Variants in MZF1 observed in about 807,000 individuals in gnomAD.
MZF1 encodes the protein zinc finger and SCAN domain-containing protein 6.
In MZF1, 24 loss-of-function variants were observed where a neutral mutation model predicts 28.6. That is an observed-to-expected ratio of 0.84 (90% CI 0.61 to 1.18). MZF1 has a LOEUF of 1.18. MZF1 is among the 50% of genes most tolerant of loss of function. The pLI, the probability that MZF1 is intolerant of heterozygous loss-of-function variation, is 0.00. For synonymous variants in MZF1, 516 were observed against 432.5 expected, an observed-to-expected ratio of 1.19 and a Z score of -2.40; for missense variants, 1,166 against 1,026.4, an observed-to-expected ratio of 1.14 and a Z score of -1.86.
intron 1 of MZF1, among the ~76,000 whole-genome samples, chr19:58,572,387 G>A (rs2054181340): frequency 6.6e-6 from 1 of 151,698 alleles, no homozygotes; most frequent in Non-Finnish European, 1.5e-5. Flanking sequence ...TTTAGCTGGG[G>A]TTGGAAGGGG....
At chr19:58,565,965 C>A (rs2054047484) in intron 5 of MZF1, among the ~76,000 whole-genome samples, 1 of 150,104 alleles carries the variant, frequency 6.7e-6, no homozygotes. Flanking sequence ...ACGGCGAAAC[C>A]CCGTCTCTAC....
At position 58,562,956 on chromosome 19, in the gene MZF1, G is replaced by C; in HGVS notation, c.1321C>G (p.Arg441Gly). The change falls in exon 6 of 6, where the codon CGT becomes GGT. Residue 441 changes from arginine to glycine, a missense_variant. Arg to Gly is a moderately radical substitution (Grantham distance 125, BLOSUM62 -2). Coordinates refer to ENST00000215057, the MANE Select transcript of MZF1 (RefSeq NM_198055.2). ...RRVHTGEQPF[R>G]CAECGQSFRQ... ...AAGCTCTGGCCGCACTCAGCGCAAC[G>C]GAAAGGCTGTTCGCCCGTGTGCACT... 4 of 1,600,004 alleles carry C rather than the reference G, an allele frequency of 2.5e-6. No individual in the cohort carries two copies. The highest frequency in any genetic ancestry group is 2.5e-6 in the Non-Finnish European group (3 of 1,178,446).
At chr19:58,567,002 G>A (rs528674398) in intron 5 of MZF1, among the ~76,000 whole-genome samples, 95 of 151,380 alleles carry the variant, frequency 6.3e-4, no homozygotes, top group African/African-American at 2.2e-3. Flanking sequence ...TCCCTGGCTT[G>A]GGTGATTCTC....
Position 58,562,210 on chromosome 19 carries a change from G to A in MZF1, c.2067C>T (p.Ala689=), listed in dbSNP as rs774944015. Reference sequence around the variant, plus strand: ...GCGTGAGCGTGGGCCGCTGGCGGAAGGCCTTGCCACACTCAGGGCATGCGT... The same window carrying A: ...GCGTGAGCGTGGGCCGCTGGCGGAAAGCCTTGCCACACTCAGGGCATGCGT... The part of the protein sequence containing the change: ...RPYACPECGK[A]FRQRPTLTQH... The change falls in exon 6 of 6, where the codon GCC becomes GCT. Residue 689 remains alanine, a synonymous_variant. Coordinates refer to ENST00000215057, the MANE Select transcript of MZF1 (RefSeq NM_198055.2). 9.3e-6 allele frequency: 15 copies of A among 1,608,498 alleles called. No individual in the cohort carries two copies. The South Asian group carries it at 1.7e-4, about 18-fold the overall frequency.
intron 5 of MZF1, among the ~76,000 whole-genome samples, chr19:58,564,975 C>A (rs902027401): frequency 8.4e-5 from 10 of 119,250 alleles, no homozygotes; most frequent in African/African-American, 3.2e-4. Context: ...GGCTGGAGTG[C>A]AGTGGTGTGA....
chr19:58,563,297 C>A lies in MZF1; in HGVS notation c.980G>T (p.Gly327Val), dbSNP rs1414902332. The A allele has an allele frequency of 1.2e-6, 2 of 1,607,910 alleles. No individual in the cohort carries two copies. The highest frequency in any genetic ancestry group is 1.7e-6 in the Non-Finnish European group (2 of 1,177,796). ...PTDEDPCRGV[G>V]PALITTRWRS... ...CCAGCGGGTGGTGATCAGAGCAGGG[C>A]CCACACCCCGGCAGGGATCCTCGTC... The change falls in exon 6 of 6, where the codon GGC (glycine) becomes GTC (valine). Residue 327 changes from glycine to valine, a missense_variant. Transcript: ENST00000215057.
In MZF1 at chr19:58,571,175, C is replaced by T. The variant is rs372625966; in HGVS notation, c.215G>A (p.Trp72Ter). Residue 72 changes from tryptophan to a stop codon, truncating the protein, a stop_gained, in exon 2 of 6, where the codon TGG becomes TAG. Transcript: ENST00000215057. LOFTEE classifies it high-confidence loss of function. ...LAQLRELCRQ[W>*]LRPEVRSKEQ... is the part of the protein sequence containing the mutation. ...CTTGGAGCGTACCTCTGGACGCAGC[C>T]ACTGGCGACACAGCTCTCGGAGCTG... The T allele has an allele frequency of 9.9e-6, 16 of 1,613,688 alleles. No individual in the cohort carries two copies. The highest frequency in any genetic ancestry group is 1.4e-5 in the Non-Finnish European group (16 of 1,179,860).
chr19:58,569,638 C>T (rs2054120895), intron 3 of MZF1, 52 bp from the exon 4 acceptor site: 1 of 1,443,740 alleles, frequency 6.9e-7, no homozygotes. Context: ...CACCCCACTG[C>T]CCTTCTTAGT....
chr19:58,571,135 C>T lies in MZF1; in HGVS notation c.255G>A (p.Glu85=), dbSNP rs2054153886. ...PEVRSKEQML[E]LLVLEQFLGA... is the part of the protein sequence containing the mutation. ...CCAGGAACTGCTCCAGCACCAACAGCTCCAGCATCTGCTCCTTGGAGCGTA... is the reference window on the plus strand; with the variant it reads ...CCAGGAACTGCTCCAGCACCAACAGTTCCAGCATCTGCTCCTTGGAGCGTA... Residue 85 remains glutamate (E), a synonymous_variant, in exon 2 of 6, where the codon GAG becomes GAA. Coordinates refer to ENST00000215057, the MANE Select transcript of MZF1 (RefSeq NM_198055.2). 6.2e-7 allele frequency: 1 copy of T among 1,613,994 alleles called. No homozygotes were observed. Among genetic ancestry groups the T allele is most frequent in the Non-Finnish European group, 8.5e-7 (1 of 1,180,036 alleles).
Position 58,563,203 on chromosome 19 carries a change from G to T in MZF1, c.1074C>A (p.Cys358Ter), listed in dbSNP as rs748715024. The change falls in exon 6 of 6, where the codon TGC becomes TGA. Residue 358 changes from cysteine (C) to a stop codon, truncating the protein, a stop_gained. Transcript: ENST00000215057. LOFTEE classifies it low-confidence loss of function (END_TRUNC). ...GGCTGAACACCTTGCCACATACATC[G>T]CAACGGCCGCCCCTAACCACCCCGC... The part of the protein sequence containing the change: ...TGGGVVRGGR[C>*]DVCGKVFSQR... 6.2e-7 allele frequency: 1 copy of T among 1,611,008 alleles called. No homozygotes were observed. Among genetic ancestry groups the T allele is most frequent in the Non-Finnish European group, 8.5e-7 (1 of 1,179,410 alleles).
At chr19:58,566,523 G>A (rs1268316593) in intron 5 of MZF1, among the ~76,000 whole-genome samples, 1 of 152,148 alleles carries the variant, frequency 6.6e-6, no homozygotes, top group Non-Finnish European at 1.5e-5. Context: ...TTTTTACAAA[G>A]ACACATAAGA....
At position 58,562,073 on chromosome 19, in the gene MZF1, T is replaced by A; in HGVS notation, c.2204A>T (p.Ter735LeuextTer42). 1.3e-6 allele frequency: 2 copies of A among 1,556,388 alleles called. No individual in the cohort carries two copies. Among genetic ancestry groups the A allele is most frequent in the Non-Finnish European group, 1.7e-6 (2 of 1,151,956 alleles). The change falls in exon 6 of 6, where the codon TAG becomes TTG. Residue 735 changes from the stop codon to leucine, a stop_lost. Transcript: ENST00000215057. The part of the protein sequence containing the change: ...IQHQRVHSAE[*>L] ...GGACACAGTGCGTCCCGGCTGGAGC[T>A]ACTCGGCGCTGTGGACGCGCTGGTG...
chr19:58,572,168 T>G (rs2054177022), intron 1 of MZF1, among the ~76,000 whole-genome samples: 1 of 152,100 alleles, frequency 6.6e-6, no homozygotes. Flanking sequence ...CTTCACCTTC[T>G]ATTCTCTCAT....
At position 58,571,119 on chromosome 19, in the gene MZF1, G is replaced by T. The variant is rs2054153717; in HGVS notation, c.271C>A (p.Gln91Lys). ...TCAGGGGGCAGTGCGCCCAGGAACTGCTCCAGCACCAACAGCTCCAGCATC... is the reference window on the plus strand; with the variant it reads ...TCAGGGGGCAGTGCGCCCAGGAACTTCTCCAGCACCAACAGCTCCAGCATC... ...EQMLELLVLE[Q>K]FLGALPPEIQ... is the part of the protein sequence containing the mutation. Residue 91 changes from glutamine (Q) to lysine (K), a missense_variant, in exon 2 of 6, where the codon CAG becomes AAG. Coordinates refer to ENST00000215057, the MANE Select transcript of MZF1 (RefSeq NM_198055.2). The T allele has an allele frequency of 1.2e-6, 2 of 1,614,058 alleles. No homozygotes were observed. The highest frequency in any genetic ancestry group is 1.7e-6 in the Non-Finnish European group (2 of 1,180,016).
At position 58,571,247 on chromosome 19, in the gene MZF1, CG is replaced by C. The variant is rs2054157739; in HGVS notation, c.142del (p.Arg48GlyfsTer71). The C allele has an allele frequency of 8.7e-6, 14 of 1,612,564 alleles. No homozygotes were observed. The highest frequency in any genetic ancestry group is 3.3e-5 in the South Asian group (3 of 90,908). On this transcript the variant is annotated frameshift_variant, in exon 2 of 6. Transcript: ENST00000215057. LOFTEE classifies it high-confidence loss of function. Reference protein sequence around the residue: ...PGPEAARLRFRCFRYEEATGP... With the variant: ...PGPEAARLRFXCFRYEEATGP... The stretch of plus-strand genomic sequence containing the variant: ...TGTGGCCTCCTCATAGCGGAAGCAC[CG>C]GAAACGCAGGCGTGCAGCTTCAGGG...
In MZF1 at chr19:58,563,094, G is replaced by GGGTGAA. The variant is rs757458769; in HGVS notation, c.1182_1183insTTCACC (p.Ser394_Arg395insPheThr). On this transcript the variant is annotated inframe_insertion, in exon 6 of 6. Coordinates refer to ENST00000215057, the MANE Select transcript of MZF1 (RefSeq NM_198055.2). Reference sequence around the variant, plus strand: ...TGGTGGCGCAGCAGGTGCGAGCTGCGGCTGAAGCTGCGGCCGCACTCGCTG... The same window carrying GGGTGAA: ...TGGTGGCGCAGCAGGTGCGAGCTGCGGGTGAAGCTGAAGCTGCGGCCGCACTCGCTG... 10 of 1,604,818 alleles carry GGGTGAA rather than the reference G, an allele frequency of 6.2e-6. No individual in the cohort carries two copies. The Admixed American group carries it at 1.7e-4, about 27-fold the overall frequency.
At chr19:58,563,969 G>C (rs2053989509) in intron 5 of MZF1, 1 of 156,720 alleles carries the variant, frequency 6.4e-6, no homozygotes, top group Non-Finnish European at 1.4e-5. Flanking sequence ...ACTTCATGAA[G>C]GCTGTGGGGA....
Position 58,571,366 on chromosome 19 carries a change from G to A in MZF1, c.24C>T (p.Ser8=). 2 of 1,614,120 alleles carry A rather than the reference G, an allele frequency of 1.2e-6. No individual in the cohort carries two copies. The highest frequency in any genetic ancestry group is 1.7e-6 in the Non-Finnish European group (2 of 1,180,020). Reference sequence around the variant, plus strand: ...CATCTTCTGGGGGTGCTCGGTCTGGGGAGCCCAGCACCGCAGGCCTCATAG... The same window carrying A: ...CATCTTCTGGGGGTGCTCGGTCTGGAGAGCCCAGCACCGCAGGCCTCATAG... The part of the protein sequence containing the change: MRPAVLG[S]PDRAPPEDEG... The change falls in exon 2 of 6, where the codon TCC becomes TCT. Residue 8 remains serine (S), a synonymous_variant. Transcript: ENST00000215057.
Position 58,571,202 on chromosome 19 carries a change from G to T in MZF1, c.188C>A (p.Ala63Asp). ...EEATGPQEAL[A>D]QLRELCRQWL... ...CTGGCGACACAGCTCTCGGAGCTGG[G>T]CCAGGGCCTCTTGGGGCCCTGTGGC... The change falls in exon 2 of 6, where the codon GCC becomes GAC. Residue 63 changes from alanine (A) to aspartate (D), a missense_variant. By Grantham distance (126) the Ala-to-Asp change is moderately radical. Coordinates refer to ENST00000215057, the MANE Select transcript of MZF1 (RefSeq NM_198055.2). The T allele has an allele frequency of 6.2e-7, 1 of 1,613,016 alleles. No individual in the cohort carries two copies.
Sources: gnomAD v4.1 joint callset for allele counts (sites outside exome capture counted in the v4.1 genomes callset) on GRCh38, gnomAD v4.1.1 for gene constraint, MANE v1.5 for transcripts, NCBI Gene and HGNC (gene_info 2026-07-23, HGNC 2026-07-21) for gene names.